The following PHACTR1 variants were observed in gnomAD, a reference collection of about 807,000 sequenced individuals.
PHACTR1 encodes the protein RPEL repeat containing 1.
A neutral mutation model predicts 69.2 loss-of-function variants in PHACTR1; 16 were observed. That is an observed-to-expected ratio of 0.23 (90% CI 0.16 to 0.35). PHACTR1 has a LOEUF of 0.35. Among genes scored for constraint, PHACTR1 ranks in the 10% least tolerant of loss-of-function variants. PHACTR1 has a pLI of 1.00. For missense variants in PHACTR1, 510 were observed against 734.7 expected, an observed-to-expected ratio of 0.69 and a Z score of 3.54; for synonymous variants, 312 against 284.5, an observed-to-expected ratio of 1.10 and a Z score of -0.97.
chr6:12,869,340 A>C (rs1406835977), intron 4 of PHACTR1, among the ~76,000 whole-genome samples: 1 of 151,896 alleles, frequency 6.6e-6, no homozygotes, highest in African/African-American at 2.4e-5. Flanking sequence ...CACTCCATGC[A>C]CCTCTACCTA....
chr6:13,148,506 C>T (rs1226453628), intron 5 of PHACTR1, among the ~76,000 whole-genome samples: 1 of 152,168 alleles, frequency 6.6e-6, no homozygotes, highest in Non-Finnish European at 1.5e-5. Flanking sequence ...TTTGTTCAAA[C>T]TAAGATCCAA....
chr6:12,797,962 C>T (rs756272984), intron 4 of PHACTR1, among the ~76,000 whole-genome samples: 6 of 151,052 alleles, frequency 4.0e-5, no homozygotes, highest in Non-Finnish European at 7.4e-5. Context: ...ATGATACCTA[C>T]CGCTATTTAA....
At chr6:13,076,421 A>C (rs961634196) in intron 5 of PHACTR1, among the ~76,000 whole-genome samples, 1 of 152,186 alleles carries the variant, frequency 6.6e-6, no homozygotes, top group African/African-American at 2.4e-5. Context: ...CTGTTCATGC[A>C]TGCATGCAAC....
chr6:12,897,188 C>G (rs190174060), intron 4 of PHACTR1, among the ~76,000 whole-genome samples: 17 of 152,298 alleles, frequency 1.1e-4, no homozygotes, highest in Admixed American at 9.2e-4. Context: ...CCCTCTGTTG[C>G]ATAGTGGACA....
At chr6:12,863,436 C>G (rs1781137910) in intron 4 of PHACTR1, among the ~76,000 whole-genome samples, 1 of 152,164 alleles carries the variant, frequency 6.6e-6, no homozygotes, top group Non-Finnish European at 1.5e-5. Context: ...TCCCAAAGGC[C>G]CCACCTCTAA....
rs929542652 is a variant in PHACTR1, at chr6:12,722,869, G to C, written c.103+4022G>C. Reference sequence around the variant, plus strand: ...AATGGTAAATCCTAACACGAAGGGAGTTCTGCGGAAGTCCCCTTTAACTGA... The same window carrying C: ...AATGGTAAATCCTAACACGAAGGGACTTCTGCGGAAGTCCCCTTTAACTGA... On this transcript the variant is annotated intron_variant, in intron 3 of 14. Transcript: ENST00000332995. Among the ~76,000 whole-genome samples, 5 of 152,156 alleles carry C rather than the reference G, an allele frequency of 3.3e-5. No homozygotes were observed. In the East Asian group the frequency reaches 9.6e-4, roughly 29 times the overall value.
chr6:13,227,527 C>T (rs1447176998), intron 8 of PHACTR1, among the ~76,000 whole-genome samples: 2 of 152,146 alleles, frequency 1.3e-5, no homozygotes, highest in Non-Finnish European at 1.5e-5. Context: ...ACACCACCCA[C>T]GAGGAGCCGG....
intron 5 of PHACTR1, among the ~76,000 whole-genome samples, chr6:13,133,466 G>A (rs1021680687): frequency 2.0e-5 from 3 of 151,896 alleles, no homozygotes; most frequent in Admixed American, 6.6e-5. Context: ...ACTGGTTTTC[G>A]TATTTTTTTT....
chr6:12,770,602 T>C (rs1170884184), intron 4 of PHACTR1, among the ~76,000 whole-genome samples: 1 of 152,112 alleles, frequency 6.6e-6, no homozygotes, highest in Non-Finnish European at 1.5e-5. Context: ...GGCATTTAAG[T>C]CCCCCTGGTT....
intron 6 of PHACTR1, among the ~76,000 whole-genome samples, chr6:13,174,560 G>A (rs987318975): frequency 6.6e-6 from 1 of 152,138 alleles, no homozygotes; most frequent in African/African-American, 2.4e-5. Context: ...GTTTCATGAT[G>A]TTCATTATTC....
Position 13,261,831 on chromosome 6 carries a change from A to C in PHACTR1, c.1392-11029A>C, listed in dbSNP as rs577219617. ...GTAACGTTAGGGATTATTGTCAGTT[A>C]GACAGACAAAGAGGAAGGAAAAGAA... On this transcript the variant is annotated intron_variant, in intron 10 of 14. Transcript: ENST00000332995. 1.3e-5 allele frequency among the ~76,000 whole-genome samples: 2 copies of C among 152,224 alleles called. 1 individual carries two copies. Among genetic ancestry groups the C allele is most frequent in the African/African-American group, 4.8e-5 (2 of 41,486 alleles).
intron 5 of PHACTR1, among the ~76,000 whole-genome samples, chr6:13,076,778 T>C (rs1470460568): frequency 6.6e-6 from 1 of 151,574 alleles, no homozygotes; most frequent in African/African-American, 2.4e-5. Context: ...CAGGAAGAAA[T>C]GCTGCAAAGT....
intron 5 of PHACTR1, among the ~76,000 whole-genome samples, chr6:13,103,532 C>A (rs1815530763): frequency 6.6e-6 from 1 of 152,204 alleles, no homozygotes; most frequent in South Asian, 2.1e-4. Flanking sequence ...GTAGTAGCTT[C>A]TTGAGATGAG....
At chr6:13,154,326 A>AT (rs1326334224) in intron 5 of PHACTR1, among the ~76,000 whole-genome samples, 1 of 151,858 alleles carries the variant, frequency 6.6e-6, no homozygotes, top group African/African-American at 2.4e-5. Context: ...CGCCTGGCTA[A>AT]TTTTTGTATT....
rs1041730911 is a variant in PHACTR1 at position 13,177,335 on chromosome 6, C to CTCCGTCTG, written c.497-5182_497-5181insCGTCTGTC. On this transcript the variant is annotated intron_variant, in intron 6 of 14. Coordinates refer to ENST00000332995, the MANE Select transcript of PHACTR1 (RefSeq NM_030948.6). ...AGCAACACTCTGAGAGCAAGACACT[C>CTCCGTCTG]TCTGTCTGTCTGTCTGTCTCTCTCT... is the stretch of plus-strand genomic sequence containing the variant. Among the ~76,000 whole-genome samples, 13 of 151,708 alleles carry CTCCGTCTG rather than the reference C, an allele frequency of 8.6e-5. No homozygotes were observed. The East Asian group carries it at 1.7e-3, about 20-fold the overall frequency.
chr6:12,761,106 T>C (rs762434594), intron 4 of PHACTR1, among the ~76,000 whole-genome samples: 6 of 152,234 alleles, frequency 3.9e-5, no homozygotes, highest in Non-Finnish European at 8.8e-5. Context: ...CTGAAACTTG[T>C]AACGTGTGGA....
At chr6:13,120,477 G>A (rs896027762) in intron 5 of PHACTR1, among the ~76,000 whole-genome samples, 14 of 152,216 alleles carry the variant, frequency 9.2e-5, no homozygotes, top group Admixed American at 5.2e-4. Flanking sequence ...GTCGAAGCAC[G>A]CTGCTGGCCA....
intron 11 of PHACTR1, chr6:13,273,629 A>G (rs1472861384): frequency 1.3e-5 from 2 of 152,214 alleles, no homozygotes; most frequent in Non-Finnish European, 2.9e-5. Flanking sequence ...ACAAAATACT[A>G]AAAGAGATCA....
rs550128182 is a variant in PHACTR1, at chr6:12,945,788, A to G, written c.251-107577A>G. On this transcript the variant is annotated intron_variant, in intron 4 of 14. Transcript: ENST00000332995. Reference sequence around the variant, plus strand: ...AGACCAGCCGAGCCAACATGACAAAACCCCAACTTTACTAAAAATACAAAA... The same window carrying G: ...AGACCAGCCGAGCCAACATGACAAAGCCCCAACTTTACTAAAAATACAAAA... Among the ~76,000 whole-genome samples the G allele has an allele frequency of 1.8e-4, 27 of 151,732 alleles. No individual in the cohort carries two copies. The South Asian group carries it at 2.7e-3, about 15-fold the overall frequency.
Sources: allele counts gnomAD v4.1 joint callset (sites outside exome capture counted in the v4.1 genomes callset), GRCh38; gene constraint gnomAD v4.1.1; transcripts MANE v1.5; gene names NCBI Gene and HGNC (gene_info 2026-07-23, HGNC 2026-07-21).